RGS7BP: variants seen among roughly 807,000 people sequenced by gnomAD.
The protein encoded by RGS7BP is regulator of G protein signaling 7-binding protein.
RGS7BP carries 9 observed loss-of-function variants against 31.3 expected under a neutral mutation model. The observed-to-expected ratio is 0.29, with a 90% confidence interval of 0.17 to 0.50. RGS7BP has a LOEUF of 0.50. Ranked by LOEUF, RGS7BP falls within the 20% of genes least tolerant of loss-of-function variation. The pLI, the probability that RGS7BP is intolerant of heterozygous loss-of-function variation, is 0.98. For missense variants in RGS7BP, 274 were observed against 322.0 expected (o/e 0.85, Z 1.14); for synonymous variants, 115 against 120.1 (o/e 0.96, Z 0.28).
At chr5:64,592,702 C>T (rs1445811183) in intron 3 of RGS7BP, among the ~76,000 whole-genome samples, 1 of 152,132 alleles carries the variant, frequency 6.6e-6, no homozygotes, top group Non-Finnish European at 1.5e-5. Flanking sequence ...AGCCCATAAA[C>T]CAGAGAATTC....
At chr5:64,564,511 G>A (rs983506886) in intron 2 of RGS7BP, among the ~76,000 whole-genome samples, 5 of 152,090 alleles carry the variant, frequency 3.3e-5, no homozygotes, top group Admixed American at 6.6e-5. Context: ...TATAATTCAC[G>A]ATTTATGAGA....
chr5:64,525,478 T>G (rs1477772340), intron 2 of RGS7BP, among the ~76,000 whole-genome samples: 2 of 152,212 alleles, frequency 1.3e-5, no homozygotes, highest in Non-Finnish European at 2.9e-5. Flanking sequence ...ACAATTACCC[T>G]TTACTGAAAG....
At chr5:64,569,384 A>T (rs1453489134) in intron 2 of RGS7BP, among the ~76,000 whole-genome samples, 1 of 152,102 alleles carries the variant, frequency 6.6e-6, no homozygotes, top group African/African-American at 2.4e-5. Context: ...TGGAGACAAG[A>T]CTCAACTATA....
At chr5:64,507,621 C>A in intron 1 of RGS7BP, 90 bp from the exon 2 acceptor site, 1 of 1,190,646 alleles carries the variant, frequency 8.4e-7, no homozygotes, top group Non-Finnish European at 1.2e-6. Flanking sequence ...ACTCAGGGGT[C>A]AGTGAAAGCC....
intron 1 of RGS7BP, among the ~76,000 whole-genome samples, 168 bp from the exon 2 acceptor site, chr5:64,507,543 A>T (rs1349279918): frequency 6.6e-6 from 1 of 152,094 alleles, no homozygotes; most frequent in East Asian, 1.9e-4. Flanking sequence ...GGACAAAGAG[A>T]CTTGCCATTT....
chr5:64,576,446 C>T (rs1742433406), intron 3 of RGS7BP, among the ~76,000 whole-genome samples: 1 of 152,212 alleles, frequency 6.6e-6, no homozygotes, highest in Admixed American at 6.5e-5. Flanking sequence ...AGACTTCCAG[C>T]TCCCATTCTG....
chr5:64,583,623 G>A (rs1007118448), intron 3 of RGS7BP, among the ~76,000 whole-genome samples: 1 of 152,090 alleles, frequency 6.6e-6, no homozygotes, highest in Non-Finnish European at 1.5e-5. Flanking sequence ...AAAGTGACTG[G>A]GTGGCTACTT....
intron 3 of RGS7BP, among the ~76,000 whole-genome samples, chr5:64,593,786 T>G (rs1046377148): frequency 1.3e-5 from 2 of 151,994 alleles, no homozygotes; most frequent in Non-Finnish European, 2.9e-5. Context: ...AATGAATGAG[T>G]GAGTGAATGA....
Position 64,506,769 on chromosome 5 carries a change from G to T in RGS7BP, c.145G>T (p.Ala49Ser). ...GSESAHKTQR[A>S]LDDCKMLVQE... Reference sequence around the variant, plus strand: ...CGAGAGCGCCCACAAAACCCAACGAGCCCTGGACGACTGCAAGATGGTGGG... The same window carrying T: ...CGAGAGCGCCCACAAAACCCAACGATCCCTGGACGACTGCAAGATGGTGGG... Residue 49 changes from alanine (A) to serine (S), a missense_variant, in exon 1 of 6, where the codon GCC becomes TCC. This residue lies in a region of RGS7BP where 149 missense variants were observed against 152.6 expected (regional missense o/e 0.98). Coordinates refer to ENST00000334025, the MANE Select transcript of RGS7BP (RefSeq NM_001029875.3). The surrounding 1 kb of genome is among the most constrained non-coding windows in gnomAD (Gnocchi z 4.6). The T allele has an allele frequency of 6.3e-7, 1 of 1,596,612 alleles. No individual in the cohort carries two copies. Among genetic ancestry groups the T allele is most frequent in the Non-Finnish European group, 8.6e-7 (1 of 1,168,024 alleles).
intron 3 of RGS7BP, among the ~76,000 whole-genome samples, chr5:64,588,208 G>A (rs1366514519): frequency 6.6e-6 from 1 of 152,128 alleles, no homozygotes; most frequent in Non-Finnish European, 1.5e-5. Context: ...AAAAATAGAT[G>A]GGTTAATTAG....
intron 2 of RGS7BP, among the ~76,000 whole-genome samples, chr5:64,542,830 T>C (rs545744794): frequency 5.3e-5 from 8 of 152,346 alleles, no homozygotes; most frequent in Admixed American, 1.3e-4. Context: ...AATAAGTAAA[T>C]ACGAAGTTAT....
chr5:64,531,778 C>T (rs547699635), intron 2 of RGS7BP, among the ~76,000 whole-genome samples: 3 of 152,266 alleles, frequency 2.0e-5, no homozygotes, highest in East Asian at 1.9e-4. Context: ...TGATTTTGAG[C>T]GTATGTTGCT....
chr5:64,605,222 T>A (rs556278267), intron 5 of RGS7BP, among the ~76,000 whole-genome samples: 1 of 152,110 alleles, frequency 6.6e-6, no homozygotes, highest in African/African-American at 2.4e-5. Flanking sequence ...GGAGAAAAGA[T>A]GATATAAAAG....
Position 64,598,422 on chromosome 5 carries a change from A to G in RGS7BP, c.669A>G (p.Pro223=), listed in dbSNP as rs745686977. 8 of 1,602,418 alleles carry G rather than the reference A, an allele frequency of 5.0e-6. No homozygotes were observed. The Admixed American group carries it at 1.3e-4, about 27-fold the overall frequency. The change falls in exon 5 of 6, where the codon CCA becomes CCG. Residue 223 remains proline, a synonymous_variant. Coordinates refer to ENST00000334025, the MANE Select transcript of RGS7BP (RefSeq NM_001029875.3). ...LSKLRETMPL[P]LKNQDDSSLL... ...AACTCAGGGAAACTATGCCTTTACC[A>G]TTGAAAAATCAAGGTGAGTCTTGTC...
chr5:64,537,428 T>G (rs550513933), intron 2 of RGS7BP, among the ~76,000 whole-genome samples: 1 of 152,328 alleles, frequency 6.6e-6, no homozygotes, highest in South Asian at 2.1e-4. Context: ...TGTATAATTA[T>G]GTGTCTCAAT....
chr5:64,552,923 T>C (rs1024497824), intron 2 of RGS7BP, among the ~76,000 whole-genome samples: 1 of 152,168 alleles, frequency 6.6e-6, no homozygotes, highest in Non-Finnish European at 1.5e-5. Context: ...TTCACAGTCT[T>C]GTGCTGTCCA....
intron 2 of RGS7BP, among the ~76,000 whole-genome samples, chr5:64,562,096 A>T (rs1742069445): frequency 6.6e-6 from 1 of 152,214 alleles, no homozygotes; most frequent in South Asian, 2.1e-4. Flanking sequence ...TTTGTGTTAG[A>T]GGAGACTTTA....
intron 5 of RGS7BP, among the ~76,000 whole-genome samples, chr5:64,601,809 A>C (rs1743226064): frequency 6.6e-6 from 1 of 152,190 alleles, no homozygotes; most frequent in African/African-American, 2.4e-5. Flanking sequence ...GGCTAAAAGG[A>C]GATTGGAAAG....
chr5:64,575,898 C>T lies in RGS7BP; in HGVS notation c.457C>T (p.Arg153Ter). 1.2e-6 allele frequency: 2 copies of T among 1,605,392 alleles called. No individual in the cohort carries two copies. Among genetic ancestry groups the T allele is most frequent in the Non-Finnish European group, 8.5e-7 (1 of 1,176,674 alleles). Residue 153 changes from arginine (R) to a stop codon, truncating the protein, a stop_gained, in exon 3 of 6, where the codon CGA becomes TGA. Transcript: ENST00000334025. LOFTEE classifies it high-confidence loss of function. The part of the protein sequence containing the change: ...ICLLGSLQFH[R>*]KGKEPGGGTK... ...TCTGCTGGGGTCTCTTCAGTTTCAT[C>T]GAAAAGGTATCTACATTTAATATTG...
Sources: allele counts gnomAD v4.1 joint callset (sites outside exome capture counted in the v4.1 genomes callset), GRCh38; gene constraint gnomAD v4.1.1; regional missense constraint gnomAD v4.1.1; non-coding constraint Gnocchi (gnomAD v3.1); transcripts MANE v1.5; gene names NCBI Gene and HGNC (gene_info 2026-07-23, HGNC 2026-07-21).